Variants in RPAP3 observed in about 807,000 individuals in gnomAD.
The protein encoded by RPAP3 is RNA polymerase II-associated protein 3.
Under a neutral mutation model 88.8 loss-of-function variants are expected in RPAP3, and 58 were observed. The observed-to-expected ratio is 0.65, with a 90% CI of 0.53 to 0.81. RPAP3 has a LOEUF of 0.81. RPAP3 is among the 40% of genes least tolerant of loss of function. The pLI is 0.00. For synonymous variants in RPAP3, 255 were observed against 259.9 expected (o/e 0.98, Z 0.18); for missense variants, 751 against 764.3 (o/e 0.98, Z 0.20).
intron 10 of RPAP3, among the ~76,000 whole-genome samples, chr12:47,680,410 C>T (rs777787508): frequency 2.6e-5 from 4 of 151,902 alleles, no homozygotes; most frequent in African/African-American, 4.8e-5. Context: ...GTATTTAATG[C>T]CACTGAGCTA....
At chr12:47,670,465 T>G in intron 12 of RPAP3, 120 bp from the exon 13 acceptor site, 1 of 628,464 alleles carries the variant, frequency 1.6e-6, no homozygotes, top group Non-Finnish European at 2.7e-6. Flanking sequence ...TAAATTCAAT[T>G]TGGTGGCTAG....
At chr12:47,665,599 T>G (rs938500137) in intron 16 of RPAP3, among the ~76,000 whole-genome samples, 2 of 150,240 alleles carry the variant, frequency 1.3e-5, no homozygotes, top group Admixed American at 1.3e-4. Flanking sequence ...CCCTCGCTAT[T>G]AAAATATACA....
At chr12:47,679,149 C>T (rs915852997) in intron 12 of RPAP3, among the ~76,000 whole-genome samples, 3 of 152,130 alleles carry the variant, frequency 2.0e-5, no homozygotes, top group Non-Finnish European at 2.9e-5. Context: ...TATCACAAGA[C>T]AGAAAACCAA....
intron 16 of RPAP3, 70 bp from the exon 17 acceptor site, chr12:47,663,660 G>T: frequency 1.2e-6 from 1 of 858,878 alleles, no homozygotes; most frequent in Non-Finnish European, 1.8e-6. Context: ...TAAATTAAAA[G>T]GAGCAATCTA....
chr12:47,696,426 G>C (rs1939528984), intron 4 of RPAP3, 23 bp from the exon 5 acceptor site: 4 of 1,517,816 alleles, frequency 2.6e-6, no homozygotes, highest in Admixed American at 2.0e-5. Flanking sequence ...TATATAAAAT[G>C]ATCTTTTTTA....
intron 5 of RPAP3, among the ~76,000 whole-genome samples, chr12:47,691,732 T>C (rs748715513): frequency 1.3e-5 from 2 of 152,152 alleles, no homozygotes; most frequent in Non-Finnish European, 2.9e-5. Flanking sequence ...GTACACTACT[T>C]TGAAATAAAT....
At chr12:47,694,999 C>A (rs1418425129) in intron 5 of RPAP3, among the ~76,000 whole-genome samples, 2 of 151,834 alleles carry the variant, frequency 1.3e-5, no homozygotes, top group Non-Finnish European at 2.9e-5. Flanking sequence ...TGAAGCTGAA[C>A]ATCTACACAT....
At chr12:47,700,218 A>G (rs750140515) in intron 3 of RPAP3, 3 of 152,152 alleles carry the variant, frequency 2.0e-5, no homozygotes, top group African/African-American at 4.8e-5. Context: ...CTTGATGCAC[A>G]TTATACCTCA....
intron 9 of RPAP3, among the ~76,000 whole-genome samples, chr12:47,686,206 T>G (rs972962699): frequency 8.5e-5 from 13 of 152,206 alleles, no homozygotes; most frequent in African/African-American, 3.1e-4. Context: ...TTCTACTGAT[T>G]GTCCAACTTG....
intron 2 of RPAP3, among the ~76,000 whole-genome samples, chr12:47,702,362 A>G (rs1479728813): frequency 1.3e-5 from 2 of 152,068 alleles, no homozygotes; most frequent in Admixed American, 1.3e-4. Context: ...CCTGGCCAAC[A>G]TGATGAGACC....
intron 5 of RPAP3, 70 bp from the exon 6 acceptor site, chr12:47,690,709 T>G: frequency 8.7e-7 from 1 of 1,151,364 alleles, no homozygotes; most frequent in African/African-American, 1.6e-5. Context: ...CTTCAAAATT[T>G]GTTTCTGAAA....
intron 5 of RPAP3, chr12:47,695,948 G>A (rs377732779): frequency 5.8e-6 from 1 of 172,888 alleles, no homozygotes; most frequent in Admixed American, 6.3e-5. Flanking sequence ...GTGGATAAAT[G>A]GTTTTTCAAA....
intron 14 of RPAP3, 64 bp downstream of exon 14, chr12:47,668,852 A>T: frequency 1.6e-6 from 2 of 1,264,142 alleles, no homozygotes; most frequent in Non-Finnish European, 2.3e-6. Context: ...CACCATTATT[A>T]TAAAGTGACA....
rs1444272595 is a variant in RPAP3, at chr12:47,661,981, T to A, written c.*1524A>T. On this transcript the variant is annotated 3_prime_UTR_variant, in exon 17 of 17. Transcript: ENST00000005386. ...ATTTATTTCTTACAGTTCTGGAGGA[T>A]GGGGAGTCCAAGATGAAGATGCCAG... The A allele has an allele frequency of 1.3e-5, 2 of 152,194 alleles. No homozygotes were observed. The highest frequency in any genetic ancestry group is 3.8e-4 in the East Asian group (2 of 5,202). The allele number at this position is 152,194 out of a possible 1,614,324, so 9.4% of individuals were successfully genotyped here.
chr12:47,666,925 G>T (rs1938886463), intron 16 of RPAP3, 55 bp downstream of exon 16: 1 of 802,802 alleles, frequency 1.2e-6, no homozygotes, highest in Non-Finnish European at 1.9e-6. Flanking sequence ...ATTATTTGTT[G>T]AATGAATACA....
chr12:47,682,680 T>TA (rs547080438), intron 9 of RPAP3, among the ~76,000 whole-genome samples: 9,333 of 136,036 alleles, frequency 0.069, 347 homozygotes, highest in Middle Eastern at 0.12. Flanking sequence ...ATAAGAATAT[T>TA]AAAAAAAAAA....
chr12:47,663,476 A>C lies in RPAP3; in HGVS notation c.*29T>G. 1 of 1,466,482 alleles carries C rather than the reference A, an allele frequency of 6.8e-7. No individual in the cohort carries two copies. Among genetic ancestry groups the C allele is most frequent in the Non-Finnish European group, 9.4e-7 (1 of 1,066,080 alleles). The allele number at this position is 1,466,482 out of a possible 1,614,324, so 90.8% of individuals were successfully genotyped here. ...TAGAAAAAATTTACATATGAAAGTC[A>C]AAAACAATTATTTCAGCAAAAATGG... On this transcript the variant is annotated 3_prime_UTR_variant, in exon 17 of 17. Coordinates refer to ENST00000005386, the MANE Select transcript of RPAP3 (RefSeq NM_024604.3).
rs755294849 is a variant in RPAP3 at position 47,696,321 on chromosome 12, G to A, written c.500C>T (p.Pro167Leu). 6.3e-7 allele frequency: 1 copy of A among 1,597,336 alleles called. No homozygotes were observed. The highest frequency in any genetic ancestry group is 8.5e-7 in the Non-Finnish European group (1 of 1,171,758). The change falls in exon 5 of 17, where the codon CCC becomes CTC. Residue 167 changes from proline to leucine, a missense_variant. Transcript: ENST00000005386. ...TGACGCTCTGTTCGTTGGCAACACG[G>A]GATTATATGGATCGGCATCCATGCC... ...TKGMDADPYN[P>L]VLPTNRASAY...
chr12:47,702,948 G>C, intron 1 of RPAP3, 102 bp from the exon 2 acceptor site: 1 of 776,858 alleles, frequency 1.3e-6, no homozygotes, highest in Admixed American at 3.3e-5. Context: ...AAGTGGCCAA[G>C]ATACATGGAC....
Sources: gnomAD v4.1 joint callset for allele counts (sites outside exome capture counted in the v4.1 genomes callset) on GRCh38, gnomAD v4.1.1 for gene constraint, MANE v1.5 for transcripts, NCBI Gene and HGNC (gene_info 2026-07-23, HGNC 2026-07-21) for gene names.